The following TMEFF1 variants were observed in gnomAD, a reference collection of about 807,000 sequenced individuals.
TMEFF1 encodes the protein transmembrane protein with EGF like and two follistatin like domains 1, also known as tomoregulin-1.
Under a neutral mutation model 47.5 loss-of-function variants are expected in TMEFF1, and 20 were observed. The observed-to-expected ratio is 0.42, with a 90% CI of 0.30 to 0.61. The LOEUF (loss-of-function observed/expected upper bound fraction) is 0.61. Among genes scored for constraint, TMEFF1 ranks in the 20% least tolerant of loss-of-function variants. The probability of loss-of-function intolerance (pLI) is 0.19; values close to 1 mark genes in which losing one functional copy is unlikely to be tolerated. For missense variants in TMEFF1, 411 were observed against 471.1 expected (o/e 0.87, Z 1.18); for synonymous variants, 162 against 166.3 (o/e 0.97, Z 0.20).
chr9:100,514,022 G>A (rs908606791), intron 4 of TMEFF1, among the ~76,000 whole-genome samples: 13 of 152,140 alleles, frequency 8.5e-5, no homozygotes, highest in African/African-American at 3.1e-4. Context: ...AATTGAGATT[G>A]ACTAATCTAT....
intron 6 of TMEFF1, 93 bp downstream of exon 6, chr9:100,547,985 A>C (rs553797843): frequency 7.7e-7 from 1 of 1,294,826 alleles, no homozygotes; most frequent in African/African-American, 1.5e-5. Context: ...AATTTGTAAA[A>C]TGAGAAATCC....
chr9:100,532,820 A>G (rs770982544), intron 5 of TMEFF1, among the ~76,000 whole-genome samples: 3 of 152,128 alleles, frequency 2.0e-5, no homozygotes, highest in Non-Finnish European at 4.4e-5. Context: ...TCACAATCGC[A>G]AAGACTTGGA....
At chr9:100,510,532 C>T (rs918024578) in intron 3 of TMEFF1, among the ~76,000 whole-genome samples, 3 of 152,140 alleles carry the variant, frequency 2.0e-5, no homozygotes, top group Non-Finnish European at 2.9e-5. Flanking sequence ...TGCAGTGGCA[C>T]GATCATGACT....
At chr9:100,575,475 A>G (rs1839334598) in intron 9 of TMEFF1, among the ~76,000 whole-genome samples, 1 of 152,188 alleles carries the variant, frequency 6.6e-6, no homozygotes, top group Non-Finnish European at 1.5e-5. Context: ...TCTGTCAGCT[A>G]GTTTTCTCAT....
At chr9:100,487,412 C>A (rs1331944728) in intron 1 of TMEFF1, among the ~76,000 whole-genome samples, 2 of 152,268 alleles carry the variant, frequency 1.3e-5, no homozygotes, top group South Asian at 4.1e-4. Flanking sequence ...AGGTGATCTG[C>A]CTGCCTTGGT....
At chr9:100,561,598 T>C in intron 8 of TMEFF1, 78 bp downstream of exon 8, 1 of 1,418,256 alleles carries the variant, frequency 7.1e-7, no homozygotes, top group Non-Finnish European at 9.2e-7. Flanking sequence ...GAATGAAATG[T>C]AGACTAAATA....
At chr9:100,555,162 GAC>G (rs112017161) in intron 7 of TMEFF1, among the ~76,000 whole-genome samples, 7,922 of 143,912 alleles carry the variant, frequency 0.055, 199 homozygotes, top group Middle Eastern at 0.073. Flanking sequence ...TGTACACACA[GAC>G]ACACACACAC....
chr9:100,567,402 G>A (rs1253194331), intron 8 of TMEFF1, among the ~76,000 whole-genome samples: 2 of 152,094 alleles, frequency 1.3e-5, no homozygotes, highest in African/African-American at 2.4e-5. Context: ...CCTGGTGTTC[G>A]CAGTTTCCCT....
At chr9:100,507,940 A>G (rs996365771) in intron 2 of TMEFF1, among the ~76,000 whole-genome samples, 21 of 152,108 alleles carry the variant, frequency 1.4e-4, no homozygotes, top group Admixed American at 3.9e-4. Context: ...TTTTTTTAGG[A>G]TTCTTGAAAC....
At chr9:100,537,237 G>A (rs1478824767) in intron 5 of TMEFF1, among the ~76,000 whole-genome samples, 2 of 152,200 alleles carry the variant, frequency 1.3e-5, no homozygotes, top group Non-Finnish European at 2.9e-5. Context: ...GTCCAGAACA[G>A]TTAAGGTAAT....
At chr9:100,549,087 C>T (rs1010552167) in intron 6 of TMEFF1, among the ~76,000 whole-genome samples, 3 of 152,086 alleles carry the variant, frequency 2.0e-5, no homozygotes, top group African/African-American at 7.2e-5. Context: ...TTCATCCTCA[C>T]GTTGCTAGAA....
At chr9:100,482,037 A>G (rs1837346767) in intron 1 of TMEFF1, among the ~76,000 whole-genome samples, 1 of 152,060 alleles carries the variant, frequency 6.6e-6, no homozygotes, top group South Asian at 2.1e-4. Flanking sequence ...GGCCTCCCAA[A>G]GTGCTGGAAT....
intron 7 of TMEFF1, among the ~76,000 whole-genome samples, chr9:100,558,332 C>T (rs1370808392): frequency 6.6e-6 from 1 of 152,030 alleles, no homozygotes. Context: ...TCTATAGTCC[C>T]ATTGTTATAC....
rs183771458 is a variant in TMEFF1 at position 100,527,459 on chromosome 9, G to A, written c.560+10688G>A. ...CAAGGGGTGAGGGATTTCCCTTTCC[G>A]AGTCAAAGAAAGGGGTGACAGACGG... is the stretch of plus-strand genomic sequence containing the variant. On this transcript the variant is annotated intron_variant, in intron 5 of 9. Coordinates refer to ENST00000374879, the MANE Select transcript of TMEFF1 (RefSeq NM_003692.5). Among the ~76,000 whole-genome samples the A allele has an allele frequency of 2.5e-3, 381 of 152,296 alleles. 2 individuals carry two copies. Among genetic ancestry groups the A allele is most frequent in the African/African-American group, 8.1e-3 (338 of 41,566 alleles).
intron 1 of TMEFF1, among the ~76,000 whole-genome samples, chr9:100,486,641 A>T: frequency 6.6e-6 from 1 of 151,950 alleles, no homozygotes. Context: ...GGGATGTTTT[A>T]TTTTTATTTT....
intron 7 of TMEFF1, among the ~76,000 whole-genome samples, chr9:100,553,172 A>G (rs1202375689): frequency 6.6e-6 from 1 of 152,194 alleles, no homozygotes; most frequent in African/African-American, 2.4e-5. Context: ...CAAGGGGATC[A>G]TTGACAATCT....
intron 8 of TMEFF1, among the ~76,000 whole-genome samples, chr9:100,569,558 T>TTTG (rs899566676): frequency 2.6e-5 from 4 of 152,148 alleles, no homozygotes; most frequent in African/African-American, 7.2e-5. Flanking sequence ...ATTTATCTTT[T>TTTG]TTGTTGTTGT....
At chr9:100,572,415 T>C (rs965888900) in intron 8 of TMEFF1, 103 bp from the exon 9 acceptor site, 1 of 1,300,338 alleles carries the variant, frequency 7.7e-7, no homozygotes, top group Non-Finnish European at 1.0e-6. Flanking sequence ...TGATATCCTA[T>C]TCCTGTTTAA....
chr9:100,486,778 G>A lies in TMEFF1; in HGVS notation c.197-11987G>A, dbSNP rs1237974820. On this transcript the variant is annotated intron_variant, in intron 1 of 9. Coordinates refer to ENST00000374879, the MANE Select transcript of TMEFF1 (RefSeq NM_003692.5). ...CTCCTGAGTAGCTGAGACCACAGAC[G>A]TGTGCCACCATATCCAGCTAATTTT... Among the ~76,000 whole-genome samples, 79 of 152,042 alleles carry A rather than the reference G, an allele frequency of 5.2e-4. 1 individual carries two copies. Among genetic ancestry groups the A allele is most frequent in the Non-Finnish European group, 1.8e-4 (12 of 68,022 alleles).
Sources: allele counts gnomAD v4.1 joint callset (sites outside exome capture counted in the v4.1 genomes callset), GRCh38; gene constraint gnomAD v4.1.1; transcripts MANE v1.5; gene names NCBI Gene and HGNC (gene_info 2026-07-23, HGNC 2026-07-21).